Variants in GAS2 observed in about 807,000 individuals in gnomAD.
GAS2 encodes the protein growth arrest-specific protein 2.
In GAS2, 20 loss-of-function variants were observed where a neutral mutation model predicts 37.5. The observed-to-expected ratio is 0.53, with a 90% CI of 0.37 to 0.77. The LOEUF (loss-of-function observed/expected upper bound fraction) is 0.77, where lower values mean the gene tolerates loss of function less well. GAS2 is among the 30% of genes least tolerant of loss of function. GAS2 has a pLI of 0.00. For missense variants in GAS2, 336 were observed against 373.4 expected (o/e 0.90, Z 0.82); for synonymous variants, 144 against 132.2 (o/e 1.09, Z -0.61).
chr11:22,685,455 G>A (rs1849894595), intron 2 of GAS2, among the ~76,000 whole-genome samples: 1 of 152,164 alleles, frequency 6.6e-6, no homozygotes, highest in African/African-American at 2.4e-5. Flanking sequence ...TATGCAGTTA[G>A]CACTATGTTA....
At chr11:22,717,002 G>A (rs951201352) in intron 3 of GAS2, among the ~76,000 whole-genome samples, 1 of 152,084 alleles carries the variant, frequency 6.6e-6, no homozygotes, top group South Asian at 2.1e-4. Flanking sequence ...CATAGACAAT[G>A]CAAGCAAATG....
rs1208023251 is a variant in GAS2 at position 22,635,491 on chromosome 11, G to A, written c.-21+9678G>A. 2.0e-5 allele frequency among the ~76,000 whole-genome samples: 3 copies of A among 152,178 alleles called. No homozygotes were observed. In the East Asian group the frequency reaches 5.8e-4, roughly 29 times the overall value. On this transcript the variant is annotated intron_variant, in intron 1 of 5. Coordinates refer to the GAS2 transcript ENST00000528582. ...GCAGCAGCTAAGTGGGTTCCAGATAGCCTGTGCTCAGCACTCAAAACTGCC... is the reference window on the plus strand; with the variant it reads ...GCAGCAGCTAAGTGGGTTCCAGATAACCTGTGCTCAGCACTCAAAACTGCC...
chr11:22,787,458 G>A (rs1855870246), intron 7 of GAS2, among the ~76,000 whole-genome samples: 1 of 151,866 alleles, frequency 6.6e-6, no homozygotes, highest in Non-Finnish European at 1.5e-5. Context: ...CATATACATA[G>A]TTATGTATAC....
At chr11:22,674,521 C>T (rs1849339027) in intron 1 of GAS2, among the ~76,000 whole-genome samples, 1 of 152,182 alleles carries the variant, frequency 6.6e-6, no homozygotes, top group Admixed American at 6.5e-5. Context: ...AAATTGGGCA[C>T]TAACATTTTA....
chr11:22,654,381 C>G (rs1161278254), intron 1 of GAS2, among the ~76,000 whole-genome samples: 2 of 151,606 alleles, frequency 1.3e-5, no homozygotes, highest in Admixed American at 6.6e-5. Flanking sequence ...CCCTCCCTCC[C>G]TCTCTTCCTT....
intron 7 of GAS2, among the ~76,000 whole-genome samples, chr11:22,790,205 G>A (rs1856075929): frequency 6.6e-6 from 1 of 152,180 alleles, no homozygotes; most frequent in Non-Finnish European, 1.5e-5. Flanking sequence ...AACACTGAGA[G>A]AAGGATTCTA....
chr11:22,634,677 G>A (rs934839129), intron 1 of GAS2, among the ~76,000 whole-genome samples: 1 of 152,108 alleles, frequency 6.6e-6, no homozygotes, highest in African/African-American at 2.4e-5. Context: ...ACCCAGTGGG[G>A]CTGCCATTCT....
At chr11:22,709,529 A>C (rs1365658086) in intron 3 of GAS2, among the ~76,000 whole-genome samples, 2 of 152,152 alleles carry the variant, frequency 1.3e-5, no homozygotes, top group African/African-American at 4.8e-5. Context: ...TAATTAGATT[A>C]AATTACTGTT....
At chr11:22,647,532 C>G (rs866132080) in intron 1 of GAS2, among the ~76,000 whole-genome samples, 5 of 152,136 alleles carry the variant, frequency 3.3e-5, no homozygotes, top group Non-Finnish European at 5.9e-5. Flanking sequence ...AGTTTACAGT[C>G]CCACCAACAG....
intron 4 of GAS2, among the ~76,000 whole-genome samples, chr11:22,736,004 T>TAA (rs35525212): frequency 0.17 from 24,540 of 143,624 alleles, 2,456 homozygotes; most frequent in African/African-American, 0.27. Flanking sequence ...ATGGATATGT[T>TAA]AAAAAAAAAA....
chr11:22,778,100 A>T (rs1204052394), intron 7 of GAS2, among the ~76,000 whole-genome samples: 2 of 152,004 alleles, frequency 1.3e-5, no homozygotes, highest in African/African-American at 4.8e-5. Context: ...AAAACAAATT[A>T]CTCCTCCCCT....
intron 7 of GAS2, among the ~76,000 whole-genome samples, chr11:22,803,150 GAAGAA>G (rs1856740271): frequency 6.6e-6 from 1 of 152,072 alleles, no homozygotes; most frequent in Non-Finnish European, 1.5e-5. Context: ...CTTTTAGAAT[GAAGAA>G]CACAAAGTTC....
chr11:22,674,718 A>T, intron 1 of GAS2, 132 bp from the exon 2 acceptor site: 2 of 635,372 alleles, frequency 3.1e-6, no homozygotes, highest in Non-Finnish European at 5.1e-6. Flanking sequence ...ATAGTGTTTC[A>T]TGGGGTTAAT....
chr11:22,764,329 G>A (rs969767856), intron 7 of GAS2, among the ~76,000 whole-genome samples: 151 of 152,088 alleles, frequency 9.9e-4, no homozygotes, highest in Non-Finnish European at 1.5e-3. Context: ...GGGAGGCCGA[G>A]GCGGGCGGAT....
chr11:22,709,993 C>T (rs934924672), intron 3 of GAS2, among the ~76,000 whole-genome samples: 25 of 134,510 alleles, frequency 1.9e-4, no homozygotes, highest in East Asian at 4.4e-4. Flanking sequence ...AGGGGAACAT[C>T]GCACTCTGGG....
chr11:22,656,242 T>G (rs1159574888), intron 1 of GAS2, among the ~76,000 whole-genome samples: 1 of 152,246 alleles, frequency 6.6e-6, no homozygotes, highest in East Asian at 1.9e-4. Context: ...TTCTGAAACC[T>G]GAAACTTTTC....
At chr11:22,690,983 C>T (rs1850220330) in intron 3 of GAS2, among the ~76,000 whole-genome samples, 1 of 152,156 alleles carries the variant, frequency 6.6e-6, no homozygotes. Flanking sequence ...TCTTTTTCTA[C>T]TAACTTTCCT....
At chr11:22,665,004 C>CA (rs67106131), upstream of GAS2, among the ~76,000 whole-genome samples, 323 of 150,378 alleles carry the variant, frequency 2.1e-3, 1 homozygote, top group African/African-American at 7.4e-3. Context: ...AAATTTAAGA[C>CA]AAAAAAAAAA....
intron 1 of GAS2, among the ~76,000 whole-genome samples, chr11:22,638,405 G>A (rs1050132977): frequency 6.6e-6 from 1 of 151,426 alleles, no homozygotes; most frequent in Admixed American, 6.6e-5. Context: ...GAGTGCAGTG[G>A]CGTGATCTCG....
Sources: allele counts gnomAD v4.1 joint callset (sites outside exome capture counted in the v4.1 genomes callset), GRCh38; gene constraint gnomAD v4.1.1; transcripts MANE v1.5; gene names NCBI Gene and HGNC (gene_info 2026-07-23, HGNC 2026-07-21).